Variants in CTNNA2 observed in about 807,000 individuals in gnomAD.
CTNNA2 encodes the protein catenin alpha-2.
Under a neutral mutation model 101.0 loss-of-function variants are expected in CTNNA2, and 42 were observed. That is an observed-to-expected ratio of 0.42 (90% CI 0.32 to 0.54). The LOEUF (loss-of-function observed/expected upper bound fraction) is 0.54, where lower values mean the gene tolerates loss of function less well. CTNNA2 is among the 20% of genes least tolerant of loss of function. CTNNA2 has a pLI of 0.14. For missense variants in CTNNA2, 871 were observed against 1,223.1 expected, an observed-to-expected ratio of 0.71 and a Z score of 4.29; for synonymous variants, 450 against 456.4, an observed-to-expected ratio of 0.99 and a Z score of 0.18.
rs13425390 is a variant in CTNNA2 at position 80,549,387 on chromosome 2, C to T, written c.1540+3324C>T. 5.3e-5 allele frequency among the ~76,000 whole-genome samples: 8 copies of T among 151,968 alleles called. No homozygotes were observed. In the East Asian group the frequency reaches 5.8e-4, roughly 11 times the overall value. On this transcript the variant is annotated intron_variant, in intron 11 of 18. Coordinates refer to ENST00000402739, the MANE Select transcript of CTNNA2 (RefSeq NM_001282597.3). ...AGTTTATTTTCTTTTAAAAATTCACCGTGAACTTTATTGCTTTGAATCTGT... is the reference window on the plus strand; with the variant it reads ...AGTTTATTTTCTTTTAAAAATTCACTGTGAACTTTATTGCTTTGAATCTGT...
intron 7 of CTNNA2, among the ~76,000 whole-genome samples, chr2:79,986,561 T>G (rs1691777957): frequency 6.6e-6 from 1 of 152,150 alleles, no homozygotes; most frequent in Non-Finnish European, 1.5e-5. Context: ...CCCTAAATGT[T>G]GCTTCTGCAG....
At chr2:80,566,562 G>A (rs1694079541) in intron 12 of CTNNA2, among the ~76,000 whole-genome samples, 1 of 152,118 alleles carries the variant, frequency 6.6e-6, no homozygotes, top group Admixed American at 6.6e-5. Context: ...TTCAAATGCT[G>A]GTATAATAGC....
intron 9 of CTNNA2, among the ~76,000 whole-genome samples, chr2:80,466,673 A>G (rs538305069): frequency 6.6e-6 from 1 of 152,340 alleles, no homozygotes; most frequent in African/African-American, 2.4e-5. Flanking sequence ...CATTTGATTG[A>G]TACATGAAAA....
chr2:79,885,787 G>T (rs942931692), intron 6 of CTNNA2, among the ~76,000 whole-genome samples: 1 of 152,216 alleles, frequency 6.6e-6, no homozygotes, highest in African/African-American at 2.4e-5. Flanking sequence ...ATGTGTCTGA[G>T]AAGTGATTCC....
At chr2:79,973,101 GA>G (rs1371919446) in intron 7 of CTNNA2, among the ~76,000 whole-genome samples, 1 of 151,994 alleles carries the variant, frequency 6.6e-6, no homozygotes, top group Non-Finnish European at 1.5e-5. Context: ...TAATTGCCCT[GA>G]AATAAATTCT....
At chr2:79,589,779 G>A (rs1676729766) in intron 1 of CTNNA2, among the ~76,000 whole-genome samples, 1 of 149,282 alleles carries the variant, frequency 6.7e-6, no homozygotes, top group African/African-American at 2.5e-5. Context: ...ACTAACAAAT[G>A]ACTATTGAAG....
chr2:79,359,152 G>A (rs1677571764), intron 3 of CTNNA2, among the ~76,000 whole-genome samples: 1 of 152,112 alleles, frequency 6.6e-6, no homozygotes, highest in Admixed American at 6.6e-5. Context: ...AGAGGGAGTG[G>A]AATAATAAAG....
chr2:80,327,831 C>G (rs368075550), intron 7 of CTNNA2, among the ~76,000 whole-genome samples: 39 of 152,318 alleles, frequency 2.6e-4, no homozygotes, highest in Admixed American at 1.4e-3. Flanking sequence ...ATAACATATG[C>G]CCAAGACTTC....
At chr2:79,339,169 A>T (rs898528045) in intron 3 of CTNNA2, among the ~76,000 whole-genome samples, 1 of 152,128 alleles carries the variant, frequency 6.6e-6, no homozygotes, top group Non-Finnish European at 1.5e-5. Flanking sequence ...CTGAGAAGTT[A>T]TAACATAAAA....
chr2:79,300,158 C>A (rs954653857), intron 2 of CTNNA2, among the ~76,000 whole-genome samples: 2 of 152,198 alleles, frequency 1.3e-5, no homozygotes, highest in African/African-American at 4.8e-5. Flanking sequence ...CCTAAAATTC[C>A]CCCTGCTCTA....
At chr2:80,468,563 G>A (rs939823499) in intron 9 of CTNNA2, among the ~76,000 whole-genome samples, 10 of 152,004 alleles carry the variant, frequency 6.6e-5, no homozygotes, top group South Asian at 2.1e-4. Flanking sequence ...GACTACAGGC[G>A]CCTGCCACCA....
intron 12 of CTNNA2, chr2:80,573,288 C>T (rs957663367): frequency 5.9e-5 from 9 of 152,156 alleles, no homozygotes; most frequent in Non-Finnish European, 7.3e-5. Context: ...GTGTTCCAGA[C>T]GCTCCGCTGA....
At chr2:80,435,413 T>G (rs1681939999) in intron 9 of CTNNA2, among the ~76,000 whole-genome samples, 2 of 152,218 alleles carry the variant, frequency 1.3e-5, no homozygotes, top group Non-Finnish European at 2.9e-5. Flanking sequence ...GTCACAATTT[T>G]TTTTTTCTCT....
chr2:80,359,255 A>G (rs917228435), intron 7 of CTNNA2, among the ~76,000 whole-genome samples: 36 of 152,156 alleles, frequency 2.4e-4, no homozygotes, highest in African/African-American at 8.4e-4. Context: ...ATCCATCCAT[A>G]TCAAATTGGA....
intron 8 of CTNNA2, among the ~76,000 whole-genome samples, chr2:80,396,599 C>T (rs1678034375): frequency 6.6e-6 from 1 of 152,164 alleles, no homozygotes; most frequent in South Asian, 2.1e-4. Flanking sequence ...CTCTGTGCCA[C>T]CTATGAACTA....
chr2:79,633,000 T>C (rs1679795202), intron 1 of CTNNA2, among the ~76,000 whole-genome samples: 1 of 152,180 alleles, frequency 6.6e-6, no homozygotes, highest in Non-Finnish European at 1.5e-5. Context: ...GCTGGGCAGA[T>C]TTTCACTGGG....
chr2:80,002,268 G>A (rs12471631), intron 7 of CTNNA2, among the ~76,000 whole-genome samples: 57,642 of 152,014 alleles, frequency 0.38, 11,739 homozygotes, highest in East Asian at 0.74. Context: ...TAGAGTTGGA[G>A]CTGGGCTGGT....
chr2:79,587,901 G>A (rs1024343808), intron 1 of CTNNA2, among the ~76,000 whole-genome samples: 1 of 152,098 alleles, frequency 6.6e-6, no homozygotes, highest in Non-Finnish European at 1.5e-5. Context: ...CTCACAATCT[G>A]GCCCAGCTCA....
At chr2:80,568,613 A>C (rs767949044) in intron 12 of CTNNA2, among the ~76,000 whole-genome samples, 8 of 151,660 alleles carry the variant, frequency 5.3e-5, no homozygotes, top group Non-Finnish European at 1.0e-4. Flanking sequence ...AGGATGCTAT[A>C]AAATTACAGA....
Sources: allele counts gnomAD v4.1 joint callset (sites outside exome capture counted in the v4.1 genomes callset), GRCh38; gene constraint gnomAD v4.1.1; transcripts MANE v1.5; gene names NCBI Gene and HGNC (gene_info 2026-07-23, HGNC 2026-07-21).